CHST9: variants seen among roughly 807,000 people sequenced by gnomAD.
CHST9 encodes carbohydrate sulfotransferase 9.
In CHST9, 41 loss-of-function variants were observed where a neutral mutation model predicts 44.4. That is an observed-to-expected ratio of 0.92 (90% CI 0.72 to 1.20). The LOEUF is 1.20. Among genes scored for constraint, CHST9 ranks in the 50% most tolerant of loss-of-function variants. CHST9 has a pLI of 0.00. For synonymous variants in CHST9, 171 were observed against 178.4 expected (o/e 0.96, Z 0.33); for missense variants, 504 against 516.5 (o/e 0.98, Z 0.23).
At chr18:27,000,128 T>A (rs568719754) in intron 4 of CHST9, among the ~76,000 whole-genome samples, 42 of 152,348 alleles carry the variant, frequency 2.8e-4, no homozygotes, top group African/African-American at 9.9e-4. Flanking sequence ...TATCTCCAAC[T>A]ACCTCTTACC....
At position 26,926,776 on chromosome 18, in the gene CHST9, A is replaced by T. The variant is rs771514541; in HGVS notation, c.241-9426T>A. Among the ~76,000 whole-genome samples, 124 of 152,242 alleles carry T rather than the reference A, an allele frequency of 8.1e-4. 1 individual carries two copies. Among genetic ancestry groups the T allele is most frequent in the Admixed American group, 1.8e-3 (27 of 15,288 alleles). ...AGCTGCAACTTGATAAATGAAATAC[A>T]TTCAAAATGTTTGGCCCTATTTTAT... On this transcript the variant is annotated intron_variant, in intron 5 of 5. Transcript: ENST00000618847.
At chr18:26,929,510 G>A (rs1008511211) in intron 5 of CHST9, among the ~76,000 whole-genome samples, 1 of 152,108 alleles carries the variant, frequency 6.6e-6, no homozygotes, top group Non-Finnish European at 1.5e-5. Context: ...CATCTATAAC[G>A]CTGCTTTCCC....
chr18:27,075,807 A>T (rs559092569), intron 2 of CHST9, among the ~76,000 whole-genome samples: 93 of 152,192 alleles, frequency 6.1e-4, no homozygotes, highest in Middle Eastern at 3.4e-3. Flanking sequence ...CTAAATATTT[A>T]AAAAAAATCT....
At chr18:26,981,097 A>G (rs1316858353) in intron 4 of CHST9, among the ~76,000 whole-genome samples, 1 of 152,140 alleles carries the variant, frequency 6.6e-6, no homozygotes, top group African/African-American at 2.4e-5. Flanking sequence ...GCAGAGTTGG[A>G]TTATTGCATT....
intron 1 of CHST9, among the ~76,000 whole-genome samples, chr18:27,167,244 TA>T (rs930487297): frequency 1.3e-5 from 2 of 151,896 alleles, no homozygotes; most frequent in Non-Finnish European, 2.9e-5. Context: ...ACTCTTCACC[TA>T]AAAAGCCATC....
At chr18:27,082,216 C>CT (rs1222297358) in intron 2 of CHST9, among the ~76,000 whole-genome samples, 1 of 152,180 alleles carries the variant, frequency 6.6e-6, no homozygotes, top group East Asian at 1.9e-4. Context: ...CTTTTTAGTA[C>CT]TGTCAAAATA....
intron 1 of CHST9, among the ~76,000 whole-genome samples, chr18:27,171,019 C>G (rs1362007866): frequency 6.6e-6 from 1 of 152,182 alleles, no homozygotes. Flanking sequence ...ATGTAGTGGT[C>G]TCCCAGATGA....
intron 1 of CHST9, among the ~76,000 whole-genome samples, chr18:27,149,525 A>T (rs1335236747): frequency 6.6e-6 from 1 of 151,704 alleles, no homozygotes; most frequent in African/African-American, 2.4e-5. Context: ...TGTCTTTATG[A>T]TAGAGTGATT....
rs2055550644 is a variant in CHST9 at position 26,917,220 on chromosome 18, G to A, written c.371C>T (p.Ser124Phe). Reference protein sequence around the residue: ...SQGGDQALSKSTGSPTEKLIE... With the variant: ...SQGGDQALSKFTGSPTEKLIE... ...CAACTTCTCTGTTGGTGACCCTGTG[G>A]ACTTACTTAAAGCTTGATCCCCTCC... The change falls in exon 6 of 6, where the codon TCC becomes TTC. Residue 124 changes from serine (S) to phenylalanine (F), a missense_variant. Transcript: ENST00000618847. 3 of 1,613,854 alleles carry A rather than the reference G, an allele frequency of 1.9e-6. No homozygotes were observed. Among genetic ancestry groups the A allele is most frequent in the South Asian group, 2.2e-5 (2 of 91,066 alleles).
At chr18:27,084,465 T>TC (rs573885518) in intron 2 of CHST9, among the ~76,000 whole-genome samples, 356 of 151,422 alleles carry the variant, frequency 2.4e-3, no homozygotes, top group African/African-American at 8.1e-3. Context: ...TGGGTTTTTT[T>TC]TTTTTTATTT....
chr18:27,168,077 AT>A lies in CHST9; in HGVS notation c.-97+17058del, dbSNP rs55651220. Among the ~76,000 whole-genome samples, 813 of 140,106 alleles carry A rather than the reference AT, an allele frequency of 5.8e-3. 5 individuals carry two copies. Among genetic ancestry groups the A allele is most frequent in the Non-Finnish European group, 9.1e-3 (595 of 65,742 alleles). 91.9% of individuals were successfully genotyped at this position (140,106 alleles called of 152,430 possible). Reference sequence around the variant, plus strand: ...TCAGAGGAGTGAAAAGATTATACCTATTTTTTTTTTTTTTTGAGACGGAGTC... The same window carrying A: ...TCAGAGGAGTGAAAAGATTATACCTATTTTTTTTTTTTTTGAGACGGAGTC... On this transcript the variant is annotated intron_variant, in intron 1 of 5. Coordinates refer to ENST00000618847, the MANE Select transcript of CHST9 (RefSeq NM_031422.6).
intron 4 of CHST9, among the ~76,000 whole-genome samples, chr18:26,951,428 AAGAGC>A (rs2056246508): frequency 6.6e-6 from 1 of 152,206 alleles, no homozygotes; most frequent in Admixed American, 6.5e-5. Flanking sequence ...TTGAGAATCT[AAGAGC>A]AGTTATGATT....
At chr18:27,091,719 A>C (rs1333499752) in intron 2 of CHST9, among the ~76,000 whole-genome samples, 2 of 152,102 alleles carry the variant, frequency 1.3e-5, no homozygotes, top group African/African-American at 4.8e-5. Flanking sequence ...GGCTTTTGTC[A>C]TTGTTCCTGT....
At chr18:27,024,546 T>C (rs954120966) in intron 3 of CHST9, among the ~76,000 whole-genome samples, 1 of 152,238 alleles carries the variant, frequency 6.6e-6, no homozygotes, top group Non-Finnish European at 1.5e-5. Flanking sequence ...TATACAATAA[T>C]ATTTTCATTT....
chr18:27,131,850 A>C (rs922236077), intron 2 of CHST9, among the ~76,000 whole-genome samples: 2 of 152,202 alleles, frequency 1.3e-5, no homozygotes, highest in African/African-American at 4.8e-5. Context: ...TGCGAATCCA[A>C]ATTTTACACA....
chr18:26,946,700 G>A (rs1238679706), intron 4 of CHST9, among the ~76,000 whole-genome samples: 2 of 152,136 alleles, frequency 1.3e-5, no homozygotes, highest in Non-Finnish European at 2.9e-5. Context: ...TTTGTATAAG[G>A]TGTAAGGAAG....
At chr18:27,035,188 A>C (rs1160764432) in intron 3 of CHST9, among the ~76,000 whole-genome samples, 1 of 152,060 alleles carries the variant, frequency 6.6e-6, no homozygotes, top group African/African-American at 2.4e-5. Context: ...CTTTTTGATG[A>C]TAGCCATTCT....
At chr18:27,170,640 G>T (rs1391319658) in intron 1 of CHST9, among the ~76,000 whole-genome samples, 1 of 151,948 alleles carries the variant, frequency 6.6e-6, no homozygotes, top group Admixed American at 6.6e-5. Flanking sequence ...CAAAAAAGTG[G>T]CAACTAGAAC....
At chr18:27,008,379 T>C (rs375850008) in intron 4 of CHST9, among the ~76,000 whole-genome samples, 98 of 152,336 alleles carry the variant, frequency 6.4e-4, no homozygotes, top group African/African-American at 2.2e-3. Context: ...GCAGTACTTT[T>C]AAGCATTTGT....
Sources: allele counts gnomAD v4.1 joint callset (sites outside exome capture counted in the v4.1 genomes callset), GRCh38; gene constraint gnomAD v4.1.1; transcripts MANE v1.5; gene names NCBI Gene and HGNC (gene_info 2026-07-23, HGNC 2026-07-21).